Variants in CRAMP1 observed in about 807,000 individuals in gnomAD.
The protein encoded by CRAMP1 is protein cramped-like.
A neutral mutation model predicts 115.4 loss-of-function variants in CRAMP1; 50 were observed. That is an observed-to-expected ratio of 0.43 (90% confidence interval 0.35 to 0.55). CRAMP1 has a LOEUF of 0.55. CRAMP1 is among the 20% of genes least tolerant of loss of function. The pLI, the probability that CRAMP1 is intolerant of heterozygous loss-of-function variation, is 0.01. For missense variants in CRAMP1, 1,679 were observed against 1,721.7 expected (o/e 0.98, Z 0.44); for synonymous variants, 866 against 745.4 (o/e 1.16, Z -2.64).
At chr16:1,619,024 G>T (rs552785571) in intron 2 of CRAMP1, among the ~76,000 whole-genome samples, 84 of 152,290 alleles carry the variant, frequency 5.5e-4, no homozygotes, top group Middle Eastern at 3.4e-3. Context: ...TAGACTTTTC[G>T]ATTTTCATTT....
chr16:1,650,089 C>T (rs760996892), intron 6 of CRAMP1, among the ~76,000 whole-genome samples: 4 of 152,184 alleles, frequency 2.6e-5, no homozygotes, highest in African/African-American at 9.7e-5. Context: ...CCACCGTGCC[C>T]GGCTTGTTTG....
chr16:1,618,888 G>A (rs1245704546), intron 2 of CRAMP1, among the ~76,000 whole-genome samples: 3 of 152,144 alleles, frequency 2.0e-5, no homozygotes, highest in Non-Finnish European at 4.4e-5. Context: ...AACCAAAAAA[G>A]ATAAAGTAGG....
At chr16:1,626,880 C>T (rs2036512513) in intron 3 of CRAMP1, among the ~76,000 whole-genome samples, 1 of 152,134 alleles carries the variant, frequency 6.6e-6, no homozygotes, top group Non-Finnish European at 1.5e-5. Flanking sequence ...TATTGGAGCA[C>T]AGCCATGGCC....
Position 1,676,270 on chromosome 16 carries a change from A to C in CRAMP1, c.*2225A>C, listed in dbSNP as rs11859205. The C allele has an allele frequency of 0.031, 4,666 of 152,608 alleles. 241 individuals carry two copies. Among genetic ancestry groups the C allele is most frequent in the African/African-American group, 0.11 (4,401 of 41,572 alleles). The allele number at this position is 152,608 out of a possible 1,614,324, so 9.5% of individuals were successfully genotyped here. A position where few individuals can be genotyped will look rare whatever the true frequency, so the allele number is the denominator to read the frequency against. On this transcript the variant is annotated 3_prime_UTR_variant, in exon 21 of 21. Coordinates refer to ENST00000397412, the MANE Select transcript of CRAMP1 (RefSeq NM_020825.4). ...GGAGCAGCCAACTGCAGCCATTGCC[A>C]TCCAGTGGGGAGATGGGTTAGGGAG...
rs781028995 is a variant in CRAMP1 at position 1,674,346 on chromosome 16, G to A, written c.*301G>A. 29 of 381,014 alleles carry A rather than the reference G, an allele frequency of 7.6e-5. No homozygotes were observed. The highest frequency in any genetic ancestry group is 1.3e-4 in the Non-Finnish European group (28 of 207,736). 23.6% of individuals were successfully genotyped at this position (381,014 alleles called of 1,614,324 possible). On this transcript the variant is annotated 3_prime_UTR_variant, in exon 21 of 21. Transcript: ENST00000397412. The stretch of plus-strand genomic sequence containing the variant: ...CCCATTTCAGCCTGTGCTCTGCCTC[G>A]ATTGTTGTGTTGGACATTCCGGTGG...
intron 5 of CRAMP1, among the ~76,000 whole-genome samples, chr16:1,640,179 T>C (rs1363285451): frequency 6.6e-6 from 1 of 152,256 alleles, no homozygotes; most frequent in Admixed American, 6.5e-5. Context: ...TGTATTTTTT[T>C]CCGTGCAGTT....
chr16:1,644,562 G>C (rs939749481), intron 6 of CRAMP1, among the ~76,000 whole-genome samples: 1 of 152,218 alleles, frequency 6.6e-6, no homozygotes, highest in African/African-American at 2.4e-5. Flanking sequence ...CAACTGGCAG[G>C]AAGGGAACCT....
chr16:1,624,786 G>A (rs974231236), intron 2 of CRAMP1, among the ~76,000 whole-genome samples: 2 of 152,144 alleles, frequency 1.3e-5, no homozygotes, highest in Non-Finnish European at 2.9e-5. Flanking sequence ...GTTTCACAAT[G>A]TTGGCCAGGT....
Position 1,666,206 on chromosome 16 carries a change from A to G in CRAMP1, c.2857+29A>G. Reference sequence around the variant, plus strand: ...AGTCTGTACCTGCATGGCCACAGCCACTGAGTGAGCCTCTGAGGGATGTTT... The same window carrying G: ...AGTCTGTACCTGCATGGCCACAGCCGCTGAGTGAGCCTCTGAGGGATGTTT... On this transcript the variant is annotated intron_variant, in intron 15 of 20. Coordinates refer to ENST00000397412, the MANE Select transcript of CRAMP1 (RefSeq NM_020825.4). The surrounding 1 kb of genome is among the most constrained non-coding windows in gnomAD (Gnocchi z 5.0). The G allele has an allele frequency of 6.8e-7, 1 of 1,476,116 alleles. No individual in the cohort carries two copies. The highest frequency in any genetic ancestry group is 9.4e-7 in the Non-Finnish European group (1 of 1,065,548). 91.4% of individuals were successfully genotyped at this position (1,476,116 alleles called of 1,614,324 possible).
intron 4 of CRAMP1, among the ~76,000 whole-genome samples, chr16:1,635,965 G>A (rs758483188): frequency 1.1e-4 from 16 of 152,332 alleles, no homozygotes; most frequent in Middle Eastern, 3.4e-3. Flanking sequence ...GTGTTGTAGC[G>A]TGTGCCAGTC....
chr16:1,614,828 C>G lies in CRAMP1; in HGVS notation c.189C>G (p.Pro63=), dbSNP rs1236932004. The G allele has an allele frequency of 6.3e-6, 8 of 1,269,696 alleles. No individual in the cohort carries two copies. The highest frequency in any genetic ancestry group is 4.2e-5 in the Admixed American group (1 of 23,988). 78.7% of individuals were successfully genotyped at this position (1,269,696 alleles called of 1,614,324 possible). A position where few individuals can be genotyped will look rare whatever the true frequency, so the allele number is the denominator to read the frequency against. ...RAGADGPPAP[P]GAPQAPSPPQ... ...GCGCCGACGGCCCCCCCGCGCCCCC[C>G]GGCGCGCCGCAGGCGCCGTCCCCGC... Residue 63 remains proline, a synonymous_variant, in exon 2 of 21, where the codon CCC becomes CCG. Coordinates refer to ENST00000397412, the MANE Select transcript of CRAMP1 (RefSeq NM_020825.4). The surrounding 1 kb of genome is among the most constrained non-coding windows in gnomAD (Gnocchi z 4.4).
At chr16:1,636,042 A>C (rs2036586232) in intron 4 of CRAMP1, among the ~76,000 whole-genome samples, 1 of 152,122 alleles carries the variant, frequency 6.6e-6, no homozygotes. Flanking sequence ...TGAATAGTGG[A>C]TCTTAAAGCT....
chr16:1,651,723 G>A (rs1191109181), intron 6 of CRAMP1, among the ~76,000 whole-genome samples: 1 of 150,074 alleles, frequency 6.7e-6, no homozygotes, highest in Admixed American at 6.6e-5. Context: ...AGGTCACCTA[G>A]AGGTGGATTG....
intron 1 of CRAMP1, among the ~76,000 whole-genome samples, chr16:1,613,995 C>G (rs1222763849): frequency 4.0e-5 from 6 of 151,834 alleles, no homozygotes; most frequent in African/African-American, 1.5e-4. Flanking sequence ...TGCGGGCAGG[C>G]GAGCCCGCGC....
rs771350552 is a variant in CRAMP1, at chr16:1,662,670, G to A, written c.2594G>A (p.Ser865Asn). The change falls in exon 12 of 21, where the codon AGT becomes AAT. Residue 865 changes from serine to asparagine, a missense_variant and splice_region_variant. By Grantham distance (46) the Ser-to-Asn change is conservative. Transcript: ENST00000397412. ...TTCCGCCAGCATCTGAACTCCATCA[G>A]TGTGAGTGTGTGGGGCCGGGCCGCC... ...LTFRQHLNSI[S>N]MQSDFFLPKP... is the part of the protein sequence containing the mutation. 4 of 1,614,018 alleles carry A rather than the reference G, an allele frequency of 2.5e-6. No individual in the cohort carries two copies. In the South Asian group the frequency reaches 3.3e-5, roughly 13 times the overall value.
At position 1,639,078 on chromosome 16, in the gene CRAMP1, C is replaced by T. The variant is rs934707904; in HGVS notation, c.778+1171C>T. On this transcript the variant is annotated intron_variant, in intron 5 of 20. Transcript: ENST00000397412. ...AGCATCCCAGGCCCCAAGGAGTTTA[C>T]GCCACAGCTCTCCCAGCTCTCATCT... Among the ~76,000 whole-genome samples, 24 of 152,006 alleles carry T rather than the reference C, an allele frequency of 1.6e-4. 1 individual carries two copies. Among genetic ancestry groups the T allele is most frequent in the Admixed American group, 9.8e-4 (15 of 15,258 alleles).
chr16:1,623,454 G>C (rs1050921434), intron 2 of CRAMP1, among the ~76,000 whole-genome samples: 6 of 152,230 alleles, frequency 3.9e-5, no homozygotes, highest in African/African-American at 1.4e-4. Context: ...GATCCACTAA[G>C]ATTTAGCAAG....
At chr16:1,643,687 A>G (rs371417041) in intron 6 of CRAMP1, among the ~76,000 whole-genome samples, 5 of 152,338 alleles carry the variant, frequency 3.3e-5, no homozygotes, top group African/African-American at 1.2e-4. Context: ...GTGCGTGGAC[A>G]GCGGAATCGA....
chr16:1,613,925 T>C (rs938333849), intron 1 of CRAMP1, among the ~76,000 whole-genome samples: 1 of 152,240 alleles, frequency 6.6e-6, no homozygotes, highest in East Asian at 1.9e-4. Flanking sequence ...GATTATTCTT[T>C]ATGTGTGTTT....
Sources: gnomAD v4.1 joint callset for allele counts (sites outside exome capture counted in the v4.1 genomes callset) on GRCh38, gnomAD v4.1.1 for gene constraint, Gnocchi (gnomAD v3.1) non-coding constraint, MANE v1.5 for transcripts, NCBI Gene and HGNC (gene_info 2026-07-23, HGNC 2026-07-21) for gene names.